The following PGPEP1 variants were observed in gnomAD, a reference collection of about 807,000 sequenced individuals.
PGPEP1 encodes the protein pyroglutamyl-peptidase I, also known as pyroglutamyl-peptidase 1.
In PGPEP1, 15 loss-of-function variants were observed where a neutral mutation model predicts 24.1. The ratio of observed to expected loss-of-function variants is 0.62; its 90% CI spans 0.42 to 0.96. The LOEUF (loss-of-function observed/expected upper bound fraction) is 0.96, where lower values mean the gene tolerates loss of function less well. Among genes scored for constraint, PGPEP1 ranks in the 40% least tolerant of loss-of-function variants. The pLI, the probability that PGPEP1 is intolerant of heterozygous loss-of-function variation, is 0.00. For synonymous variants in PGPEP1, 122 were observed against 116.4 expected, an observed-to-expected ratio of 1.05 and a Z score of -0.31; for missense variants, 242 against 273.4, an observed-to-expected ratio of 0.89 and a Z score of 0.81.
chr19:18,366,449 A>C lies in PGPEP1; in HGVS notation c.*2866A>C, dbSNP rs1971551915. The C allele has an allele frequency of 1.3e-5, 2 of 151,906 alleles. No homozygotes were observed. The highest frequency in any genetic ancestry group is 4.8e-5 in the African/African-American group (2 of 41,352). The allele number at this position is 151,906 out of a possible 1,614,324, so 9.4% of individuals were successfully genotyped here. On this transcript the variant is annotated 3_prime_UTR_variant, in exon 5 of 5. Transcript: ENST00000269919. Reference sequence around the variant, plus strand: ...CCTCATAATGCACAACATTTGGCTCATTTTATTTTTCTCATTGTTATTTTT... The same window carrying C: ...CCTCATAATGCACAACATTTGGCTCCTTTTATTTTTCTCATTGTTATTTTT...
chr19:18,357,538 C>T lies in PGPEP1; in HGVS notation c.360C>T (p.Ile120=), dbSNP rs374244179. 8.1e-6 allele frequency: 13 copies of T among 1,613,312 alleles called. No individual in the cohort carries two copies. The highest frequency in any genetic ancestry group is 2.2e-5 in the South Asian group (2 of 90,912). Residue 120 remains isoleucine (I), a synonymous_variant, in exon 4 of 5, where the codon ATC becomes ATT. Coordinates refer to ENST00000269919, the MANE Select transcript of PGPEP1 (RefSeq NM_017712.4). ...EDGPESIDSI[I]DMDAVCKRVT... is the part of the protein sequence containing the mutation. ...GGCCTGAAAGCATTGACTCCATCAT[C>T]GACATGGATGCTGTGTGCAAGCGAG...
chr19:18,363,297 C>T, intron 4 of PGPEP1, 94 bp from the exon 5 acceptor site: 1 of 998,262 alleles, frequency 1.0e-6, no homozygotes, highest in South Asian at 1.6e-5. Flanking sequence ...AAGGTCTTCC[C>T]TTGGATTTGG....
At chr19:18,358,253 CTTTTTTTTTTT>C (rs58979840) in intron 4 of PGPEP1, among the ~76,000 whole-genome samples, 2 of 64,482 alleles carry the variant, frequency 3.1e-5, no homozygotes, top group Admixed American at 2.1e-4. Context: ...TCCAGTATGA[CTTTTTTTTTTT>C]TTTTTTTTTT....
chr19:18,357,663 C>T (rs1971228601), intron 4 of PGPEP1, 48 bp downstream of exon 4: 2 of 1,357,808 alleles, frequency 1.5e-6, no homozygotes, highest in East Asian at 2.5e-5. Flanking sequence ...CTCCTCCACC[C>T]ACTGAGCCTG....
intron 2 of PGPEP1, among the ~76,000 whole-genome samples, chr19:18,351,641 AAG>A (rs1188830554): frequency 2.0e-5 from 3 of 151,732 alleles, no homozygotes; most frequent in African/African-American, 4.8e-5. Flanking sequence ...AAAAAAAAAA[AAG>A]AAGATAAAAT....
rs765620545 is a variant in PGPEP1, at chr19:18,340,720, G to T, written c.34+5G>T. On this transcript the variant is annotated splice_donor_5th_base_variant and intron_variant, in intron 1 of 4. Transcript: ENST00000269919. ...GGAAGGCGGTGGTAGTGACGGGTACGCTGGCTGATGGGGGCTGTAGCGGCA... is the reference window on the plus strand; with the variant it reads ...GGAAGGCGGTGGTAGTGACGGGTACTCTGGCTGATGGGGGCTGTAGCGGCA... 52 of 1,522,352 alleles carry T rather than the reference G, an allele frequency of 3.4e-5. No homozygotes were observed. The highest frequency in any genetic ancestry group is 4.3e-5 in the Non-Finnish European group (49 of 1,134,816). The allele number at this position is 1,522,352 out of a possible 1,614,324, so 94.3% of individuals were successfully genotyped here.
chr19:18,344,228 T>G (rs1970766804), intron 2 of PGPEP1, among the ~76,000 whole-genome samples: 2 of 151,946 alleles, frequency 1.3e-5, no homozygotes, highest in Non-Finnish European at 2.9e-5. Flanking sequence ...AGATGGCATA[T>G]TAGGGGCCGA....
chr19:18,341,416 G>A (rs770776111), intron 1 of PGPEP1, among the ~76,000 whole-genome samples: 1 of 152,170 alleles, frequency 6.6e-6, no homozygotes, highest in Non-Finnish European at 1.5e-5. Flanking sequence ...GGGCCACGTG[G>A]GGCGCCAACT....
chr19:18,341,453 TG>T (rs1204591123), intron 1 of PGPEP1, among the ~76,000 whole-genome samples: 3 of 150,666 alleles, frequency 2.0e-5, no homozygotes, highest in Admixed American at 1.3e-4. Flanking sequence ...AGTCAAGGAG[TG>T]GGGGGGTCAT....
chr19:18,351,947 G>A (rs571013835), intron 2 of PGPEP1, among the ~76,000 whole-genome samples: 2 of 151,964 alleles, frequency 1.3e-5, no homozygotes, highest in East Asian at 1.9e-4. Context: ...CCAACATGAC[G>A]AAACCCTGTC....
Position 18,363,895 on chromosome 19 carries a change from C to A in PGPEP1, c.*312C>A, listed in dbSNP as rs3746183. The A allele has an allele frequency of 0.18, 49,007 of 265,298 alleles. 5,297 individuals are homozygous for A. Among genetic ancestry groups the A allele is most frequent in the East Asian group, 0.37 (4,868 of 13,302 alleles). 16.4% of individuals were successfully genotyped at this position (265,298 alleles called of 1,614,324 possible). Reference sequence around the variant, plus strand: ...CTTGGTCTGGTGAATCCATGAGCTGCGATACCACGGCTGGGGCCATATGTT... The same window carrying A: ...CTTGGTCTGGTGAATCCATGAGCTGAGATACCACGGCTGGGGCCATATGTT... On this transcript the variant is annotated 3_prime_UTR_variant, in exon 5 of 5. Transcript: ENST00000269919.
Position 18,364,113 on chromosome 19 carries a change from T to C in PGPEP1, c.*530T>C. 1 of 94,660 alleles carries C rather than the reference T, an allele frequency of 1.1e-5. No individual in the cohort carries two copies. Among genetic ancestry groups the C allele is most frequent in the East Asian group, 4.9e-4 (1 of 2,042 alleles). The allele number at this position is 94,660 out of a possible 1,614,324, so 5.9% of individuals were successfully genotyped here. On this transcript the variant is annotated 3_prime_UTR_variant, in exon 5 of 5. Coordinates refer to ENST00000269919, the MANE Select transcript of PGPEP1 (RefSeq NM_017712.4). ...CTTTCTTTCTTTCTTTCTTTCTTTC[T>C]TGCTTTCTTTCTTTCTTGCTTTCTT...
chr19:18,363,452 G>A lies in PGPEP1; in HGVS notation c.499G>A (p.Val167Ile), dbSNP rs146710780. ...LYQSHGRSAF[V>I]HVPPLGKPYN... is the part of the protein sequence containing the mutation. ...CCAGAGTCACGGTCGATCAGCCTTC[G>A]TCCACGTGCCCCCACTGGGGAAGCC... Residue 167 changes from valine (V) to isoleucine (I), a missense_variant, in exon 5 of 5, where the codon GTC (valine) becomes ATC (isoleucine). Transcript: ENST00000269919. 172 of 1,613,930 alleles carry A rather than the reference G, an allele frequency of 1.1e-4. No individual in the cohort carries two copies. The highest frequency in any genetic ancestry group is 1.3e-4 in the Non-Finnish European group (150 of 1,179,972).
chr19:18,342,011 G>A (rs908595931), intron 1 of PGPEP1, among the ~76,000 whole-genome samples: 23 of 151,914 alleles, frequency 1.5e-4, no homozygotes, highest in Admixed American at 1.5e-3. Context: ...GGGTTCAAGC[G>A]ATTCTCCTGC....
At position 18,367,180 on chromosome 19, in the gene PGPEP1, C is replaced by T. The variant is rs1303193731; in HGVS notation, c.*3597C>T. The T allele has an allele frequency of 5.8e-5, 8 of 138,916 alleles. No individual in the cohort carries two copies. Among genetic ancestry groups the T allele is most frequent in the African/African-American group, 2.2e-4 (7 of 31,824 alleles). The allele number at this position is 138,916 out of a possible 1,614,324, so 8.6% of individuals were successfully genotyped here. A position where few individuals can be genotyped will look rare whatever the true frequency, so the allele number is the denominator to read the frequency against. On this transcript the variant is annotated 3_prime_UTR_variant, in exon 5 of 5. Transcript: ENST00000269919. Reference sequence around the variant, plus strand: ...CAAAAAAAAAAAAAAAAAAAATCCTCATGCAAGAAGGGAAGGACCAAGTCC... The same window carrying T: ...CAAAAAAAAAAAAAAAAAAAATCCTTATGCAAGAAGGGAAGGACCAAGTCC...
chr19:18,343,724 C>T (rs538293928), intron 2 of PGPEP1, among the ~76,000 whole-genome samples: 8 of 139,216 alleles, frequency 5.7e-5, no homozygotes, highest in African/African-American at 2.2e-4. Flanking sequence ...CACTCTGTTG[C>T]CCAGGCTGGA....
intron 4 of PGPEP1, among the ~76,000 whole-genome samples, chr19:18,363,029 T>TGTTTGTGTGTG (rs1555713123): frequency 3.4e-5 from 2 of 59,418 alleles, no homozygotes; most frequent in South Asian, 6.6e-4. Flanking sequence ...CAAGTTTTTT[T>TGTTTGTGTGTG]TGTTTGTGTG....
At chr19:18,351,875 G>A (rs1028904032) in intron 2 of PGPEP1, among the ~76,000 whole-genome samples, 3 of 151,620 alleles carry the variant, frequency 2.0e-5, no homozygotes, top group Non-Finnish European at 2.9e-5. Flanking sequence ...CTGTAATCCC[G>A]GCACTTTGAG....
intron 4 of PGPEP1, among the ~76,000 whole-genome samples, chr19:18,362,099 G>C (rs1029602499): frequency 6.6e-6 from 1 of 152,104 alleles, no homozygotes; most frequent in African/African-American, 2.4e-5. Context: ...GATGGTTCCT[G>C]AGGGTAGATC....
Sources: allele counts gnomAD v4.1 joint callset (sites outside exome capture counted in the v4.1 genomes callset), GRCh38; gene constraint gnomAD v4.1.1; transcripts MANE v1.5; gene names NCBI Gene and HGNC (gene_info 2026-07-23, HGNC 2026-07-21).